DCUN1D1: variants seen among roughly 807,000 people sequenced by gnomAD.
DCUN1D1 encodes defective in cullin neddylation 1 domain containing 1.
A neutral mutation model predicts 39.0 loss-of-function variants in DCUN1D1; 3 were observed. That is an observed-to-expected ratio of 0.08 (90% CI 0.04 to 0.20). The LOEUF is 0.20. Ranked by LOEUF, DCUN1D1 falls within the 10% of genes least tolerant of loss-of-function variation. The pLI is 1.00. For missense variants in DCUN1D1, 158 were observed against 302.4 expected, an observed-to-expected ratio of 0.52 and a Z score of 3.54; for synonymous variants, 82 against 96.3, an observed-to-expected ratio of 0.85 and a Z score of 0.87.
rs1726263364 is a variant in DCUN1D1 at position 182,943,938 on chromosome 3, G to C, written c.*1156C>G. ...TGCTTGTTTGAAAATCTTTGCTCCTGAAGTAAATATTTGGCAACCACAGTG... is the reference window on the plus strand; with the variant it reads ...TGCTTGTTTGAAAATCTTTGCTCCTCAAGTAAATATTTGGCAACCACAGTG... On this transcript the variant is annotated 3_prime_UTR_variant, in exon 7 of 7. Transcript: ENST00000292782. The C allele has an allele frequency of 6.6e-6, 1 of 152,610 alleles. No individual in the cohort carries two copies. Among genetic ancestry groups the C allele is most frequent in the Non-Finnish European group, 1.5e-5 (1 of 68,032 alleles). The allele number at this position is 152,610 out of a possible 1,614,324, so 9.5% of individuals were successfully genotyped here.
Position 182,980,505 on chromosome 3 carries a change from G to A in DCUN1D1, c.-16C>T. 8.1e-7 allele frequency: 1 copy of A among 1,241,976 alleles called. No individual in the cohort carries two copies. The highest frequency in any genetic ancestry group is 1.0e-6 in the Non-Finnish European group (1 of 972,686). 76.9% of individuals were successfully genotyped at this position (1,241,976 alleles called of 1,614,324 possible). A position where few individuals can be genotyped will look rare whatever the true frequency, so the allele number is the denominator to read the frequency against. On this transcript the variant is annotated 5_prime_UTR_variant, in exon 1 of 7. Transcript: ENST00000292782. ...GCCTCACCATGTTGGTGTCCTCCAG[G>A]CCTCTCCCCTCCTCCTCCGGCTCCG...
At chr3:182,979,371 C>G (rs993401175) in intron 1 of DCUN1D1, among the ~76,000 whole-genome samples, 5 of 152,130 alleles carry the variant, frequency 3.3e-5, no homozygotes. Flanking sequence ...TTAACACAGG[C>G]GCGCACACAC....
intron 6 of DCUN1D1, among the ~76,000 whole-genome samples, chr3:182,945,981 T>C (rs993281055): frequency 4.6e-5 from 7 of 152,150 alleles, no homozygotes; most frequent in Non-Finnish European, 7.4e-5. Context: ...TGATTAGCCT[T>C]AATGATTCCA....
intron 1 of DCUN1D1, among the ~76,000 whole-genome samples, chr3:182,966,657 T>C (rs1028493892): frequency 1.3e-5 from 2 of 152,154 alleles, no homozygotes; most frequent in African/African-American, 2.4e-5. Context: ...CCCTTCCCTC[T>C]CACCCAAGCC....
chr3:182,981,810 C>A (rs1577210899), upstream of DCUN1D1, among the ~76,000 whole-genome samples: 1 of 152,260 alleles, frequency 6.6e-6, no homozygotes, highest in East Asian at 1.9e-4. Flanking sequence ...GCGCCCAGCG[C>A]TGTACCAAGG....
At chr3:182,957,937 C>CAAAAAAAAAAA (rs34998390) in intron 4 of DCUN1D1, among the ~76,000 whole-genome samples, 7 of 67,498 alleles carry the variant, frequency 1.0e-4, no homozygotes, top group Admixed American at 4.3e-4. Flanking sequence ...GACCCTGCAT[C>CAAAAAAAAAAA]AAAAAAAAAA....
At chr3:182,977,506 G>A (rs548334752) in intron 1 of DCUN1D1, among the ~76,000 whole-genome samples, 2 of 151,894 alleles carry the variant, frequency 1.3e-5, no homozygotes, top group East Asian at 2.0e-4. Flanking sequence ...ACGCGATCTC[G>A]GCTCACTGCA....
chr3:182,971,428 C>T (rs1373282253), intron 1 of DCUN1D1, among the ~76,000 whole-genome samples: 2 of 151,946 alleles, frequency 1.3e-5, no homozygotes, highest in African/African-American at 4.8e-5. Context: ...AAAAAAGTAG[C>T]CGGGCATGGT....
chr3:182,973,803 G>A (rs1191317801), intron 1 of DCUN1D1, among the ~76,000 whole-genome samples: 5 of 145,492 alleles, frequency 3.4e-5, no homozygotes, highest in South Asian at 2.1e-4. Context: ...GCGAAACTCC[G>A]GCTCAAAAAA....
upstream of DCUN1D1, among the ~76,000 whole-genome samples, chr3:182,981,849 T>A (rs1728564085): frequency 2.0e-5 from 3 of 152,210 alleles, no homozygotes; most frequent in African/African-American, 7.2e-5. Flanking sequence ...AAACCGTTCA[T>A]CCATTCTTTC....
chr3:182,951,478 T>C (rs936228462), intron 4 of DCUN1D1, among the ~76,000 whole-genome samples: 1 of 151,464 alleles, frequency 6.6e-6, no homozygotes, highest in African/African-American at 2.4e-5. Flanking sequence ...CAGCCGAGCA[T>C]GGTTGTACAT....
chr3:182,955,835 C>A (rs546868719), intron 4 of DCUN1D1: 32 of 222,678 alleles, frequency 1.4e-4, no homozygotes, highest in Non-Finnish European at 2.6e-4. Context: ...CCTGCCTTGG[C>A]CTCCCAAAGT....
At chr3:182,949,985 T>C (rs1166815126) in intron 4 of DCUN1D1, among the ~76,000 whole-genome samples, 6 of 152,188 alleles carry the variant, frequency 3.9e-5, no homozygotes, top group Admixed American at 2.0e-4. Flanking sequence ...CTCTCCTTTC[T>C]TCTATCCAAG....
chr3:182,951,696 CTTT>C (rs1316828811), intron 4 of DCUN1D1, among the ~76,000 whole-genome samples: 1 of 109,390 alleles, frequency 9.1e-6, no homozygotes, highest in Non-Finnish European at 1.9e-5. Context: ...AAGATAATTT[CTTT>C]TTTTTTTTTT....
chr3:182,963,751 C>CA lies in DCUN1D1; in HGVS notation c.389+129dup, dbSNP rs565145481. ...AAAAACTGTATAACATGGAAACTAGCAAGTTAACCCATTTCTATTTATACC... is the reference window on the plus strand; with the variant it reads ...AAAAACTGTATAACATGGAAACTAGCAAAGTTAACCCATTTCTATTTATACC... On this transcript the variant is annotated intron_variant, in intron 3 of 6. Coordinates refer to ENST00000292782, the MANE Select transcript of DCUN1D1 (RefSeq NM_020640.4). 2.4e-3 allele frequency: 1,792 copies of CA among 753,290 alleles called. 3 individuals are homozygous for CA. Among genetic ancestry groups the CA allele is most frequent in the Non-Finnish European group, 3.0e-3 (1,492 of 490,174 alleles). 46.7% of individuals were successfully genotyped at this position (753,290 alleles called of 1,614,324 possible).
chr3:182,974,365 C>T (rs569462847), intron 1 of DCUN1D1, among the ~76,000 whole-genome samples: 262 of 152,124 alleles, frequency 1.7e-3, no homozygotes, highest in Non-Finnish European at 3.3e-3. Context: ...TTCTCTCAAA[C>T]TTGTTTCTTG....
At chr3:182,963,084 G>C (rs1225908470) in intron 3 of DCUN1D1, among the ~76,000 whole-genome samples, 1 of 152,028 alleles carries the variant, frequency 6.6e-6, no homozygotes, top group East Asian at 1.9e-4. Flanking sequence ...CTAGCCCCTG[G>C]TGTGGTTTTT....
chr3:182,976,223 G>A (rs1198008893), intron 1 of DCUN1D1, among the ~76,000 whole-genome samples: 1 of 151,996 alleles, frequency 6.6e-6, no homozygotes, highest in Non-Finnish European at 1.5e-5. Flanking sequence ...TGAAAAAACT[G>A]CTTTTAAAAA....
chr3:182,971,457 T>C (rs1310417931), intron 1 of DCUN1D1, among the ~76,000 whole-genome samples: 1 of 151,646 alleles, frequency 6.6e-6, no homozygotes, highest in Non-Finnish European at 1.5e-5. Context: ...CCTGGAGTCC[T>C]AGCTACTTGG....
Sources: allele counts gnomAD v4.1 joint callset (sites outside exome capture counted in the v4.1 genomes callset), GRCh38; gene constraint gnomAD v4.1.1; transcripts MANE v1.5; gene names NCBI Gene and HGNC (gene_info 2026-07-23, HGNC 2026-07-21).